The following PTH2R variants were observed in gnomAD, a reference collection of about 807,000 sequenced individuals.
PTH2R encodes parathyroid hormone 2 receptor.
A neutral mutation model predicts 60.3 loss-of-function variants in PTH2R; 59 were observed. The ratio of observed to expected loss-of-function variants is 0.98; its 90% CI spans 0.79 to 1.22. The LOEUF (loss-of-function observed/expected upper bound fraction) is 1.22. Ranked by LOEUF, PTH2R falls within the 50% of genes most tolerant of loss-of-function variation. The probability of loss-of-function intolerance (pLI) is 0.00; values close to 1 mark genes in which losing one functional copy is unlikely to be tolerated. For missense variants in PTH2R, 749 were observed against 682.6 expected, an observed-to-expected ratio of 1.10 and a Z score of -1.08; for synonymous variants, 256 against 243.8, an observed-to-expected ratio of 1.05 and a Z score of -0.47.
chr2:208,490,472 T>G (rs894414048), intron 11 of PTH2R, among the ~76,000 whole-genome samples, 167 bp from the exon 12 acceptor site: 6 of 152,176 alleles, frequency 3.9e-5, no homozygotes, highest in African/African-American at 1.4e-4. Context: ...TCAAACAAAT[T>G]TAATGTAAAC....
At chr2:208,378,821 G>A (rs1319517973) in intron 1 of PTH2R, among the ~76,000 whole-genome samples, 1 of 152,154 alleles carries the variant, frequency 6.6e-6, no homozygotes, top group Non-Finnish European at 1.5e-5. Context: ...TAGGCAAGAG[G>A]AGGACAGTGC....
chr2:208,389,042 A>G (rs1701058405), intron 1 of PTH2R, among the ~76,000 whole-genome samples: 2 of 152,208 alleles, frequency 1.3e-5, no homozygotes, highest in South Asian at 4.1e-4. Flanking sequence ...AGAGATTCTA[A>G]TTAGAAATAA....
At chr2:208,408,387 A>G (rs528098869) in intron 1 of PTH2R, among the ~76,000 whole-genome samples, 1 of 152,254 alleles carries the variant, frequency 6.6e-6, no homozygotes, top group African/African-American at 2.4e-5. Context: ...TATACTTCCT[A>G]CATTTTTATC....
intron 1 of PTH2R, among the ~76,000 whole-genome samples, chr2:208,373,371 T>C (rs1700738169): frequency 1.3e-5 from 2 of 152,122 alleles, no homozygotes; most frequent in Non-Finnish European, 2.9e-5. Context: ...GCTGTAGTAA[T>C]GTCCCTTAGT....
In PTH2R at chr2:208,450,858, C is replaced by T. The variant is rs775422729; in HGVS notation, c.914+49C>T. 4 of 1,571,662 alleles carry T rather than the reference C, an allele frequency of 2.5e-6. No individual in the cohort carries two copies. In the South Asian group the frequency reaches 4.4e-5, roughly 17 times the overall value. ...GAGAGAACCTCAGATGTTCTCAAGACTCAGGCTTCCTGCTCAGAATTCACA... is the reference window on the plus strand; with the variant it reads ...GAGAGAACCTCAGATGTTCTCAAGATTCAGGCTTCCTGCTCAGAATTCACA... On this transcript the variant is annotated intron_variant, in intron 8 of 12. Coordinates refer to ENST00000272847, the MANE Select transcript of PTH2R (RefSeq NM_005048.4).
Position 208,443,328 on chromosome 2 carries a change from C to T in PTH2R, c.510-20C>T. The T allele has an allele frequency of 6.7e-7, 1 of 1,484,398 alleles. No individual in the cohort carries two copies. Among genetic ancestry groups the T allele is most frequent in the Non-Finnish European group, 9.0e-7 (1 of 1,115,714 alleles). The allele number at this position is 1,484,398 out of a possible 1,614,324, so 92.0% of individuals were successfully genotyped here. A position where few individuals can be genotyped will look rare whatever the true frequency, so the allele number is the denominator to read the frequency against. On this transcript the variant is annotated intron_variant, in intron 5 of 12. Coordinates refer to ENST00000272847, the MANE Select transcript of PTH2R (RefSeq NM_005048.4). ...TTTTAATTTTATCCAAATTTAAATACTGAATATTTCTCTCCGTAGACGATT... is the reference window on the plus strand; with the variant it reads ...TTTTAATTTTATCCAAATTTAAATATTGAATATTTCTCTCCGTAGACGATT...
In PTH2R at chr2:208,406,824, C is replaced by T. The variant is rs1701420862; in HGVS notation, c.-220C>T. On this transcript the variant is annotated 5_prime_UTR_variant, in exon 1 of 13. Coordinates refer to ENST00000272847, the MANE Select transcript of PTH2R (RefSeq NM_005048.4). Reference sequence around the variant, plus strand: ...GGGCCAGTCTCTCCGGAAGACAAGACCAACCTCGCGCCGCGGCGCAGCAGC... The same window carrying T: ...GGGCCAGTCTCTCCGGAAGACAAGATCAACCTCGCGCCGCGGCGCAGCAGC... The T allele has an allele frequency of 2.6e-6, 1 of 386,212 alleles. No homozygotes were observed. Among genetic ancestry groups the T allele is most frequent in the Non-Finnish European group, 4.6e-6 (1 of 218,286 alleles). 23.9% of individuals were successfully genotyped at this position (386,212 alleles called of 1,614,324 possible).
At chr2:208,449,784 AT>A (rs1702366034) in intron 7 of PTH2R, among the ~76,000 whole-genome samples, 1 of 152,116 alleles carries the variant, frequency 6.6e-6, no homozygotes, top group Non-Finnish European at 1.5e-5. Context: ...AAAAATTACA[AT>A]TTTTTTAAAG....
chr2:208,373,798 C>T lies in PTH2R; in HGVS notation c.-259+13561C>T, dbSNP rs187245536. Among the ~76,000 whole-genome samples, 3 of 152,208 alleles carry T rather than the reference C, an allele frequency of 2.0e-5. No homozygotes were observed. In the East Asian group the frequency reaches 5.8e-4, roughly 29 times the overall value. Reference sequence around the variant, plus strand: ...TTATCTGAGCCCTAAATGTCTTCTACGTTATTCTTTGACAATACTTTGTTA... The same window carrying T: ...TTATCTGAGCCCTAAATGTCTTCTATGTTATTCTTTGACAATACTTTGTTA... On this transcript the variant is annotated intron_variant, in intron 1 of 12. Transcript: ENST00000617735.
At chr2:208,471,061 G>A (rs572067127) in intron 9 of PTH2R, among the ~76,000 whole-genome samples, 27 of 152,280 alleles carry the variant, frequency 1.8e-4, no homozygotes, top group African/African-American at 6.0e-4. Flanking sequence ...TTAGGTATCT[G>A]GCAGAAGAAA....
chr2:208,382,267 C>T (rs1234787102), intron 1 of PTH2R, among the ~76,000 whole-genome samples: 2 of 152,068 alleles, frequency 1.3e-5, no homozygotes, highest in Non-Finnish European at 2.9e-5. Context: ...ATTCTATGAG[C>T]ATTCACATAC....
intron 1 of PTH2R, among the ~76,000 whole-genome samples, chr2:208,377,798 C>T (rs1296117986): frequency 6.6e-6 from 1 of 151,374 alleles, no homozygotes; most frequent in East Asian, 1.9e-4. Context: ...GAGGCGCTTC[C>T]CGCATCTCAG....
At chr2:208,364,422 G>A (rs1700539776) in intron 1 of PTH2R, among the ~76,000 whole-genome samples, 1 of 152,046 alleles carries the variant, frequency 6.6e-6, no homozygotes, top group African/African-American at 2.4e-5. Context: ...TAAGAAACAG[G>A]TCCAACTGCA....
intron 5 of PTH2R, 97 bp from the exon 6 acceptor site, chr2:208,443,251 G>GGGGAGCAGGCTGGTTGGTGGT (rs1316174796): frequency 1.9e-6 from 2 of 1,051,354 alleles, no homozygotes; most frequent in African/African-American, 3.3e-5. Context: ...CCCTGCTGGA[G>GGGGAGCAGGCTGGTTGGTGGT]GGGAGCAGGC....
chr2:208,453,152 A>T lies in PTH2R; in HGVS notation c.914+2343A>T, dbSNP rs562572879. On this transcript the variant is annotated intron_variant, in intron 8 of 12. Transcript: ENST00000272847. ...TGTCTTTTTACCTCAGAGAGGTAAA[A>T]CTTCTAGTTCTTTCTGTTCTCTAAA... 7.6e-4 allele frequency among the ~76,000 whole-genome samples: 115 copies of T among 152,232 alleles called. 1 individual carries two copies. Among genetic ancestry groups the T allele is most frequent in the Non-Finnish European group, 1.4e-3 (96 of 68,010 alleles).
At chr2:208,368,451 T>A (rs1319933359) in intron 1 of PTH2R, among the ~76,000 whole-genome samples, 1 of 152,206 alleles carries the variant, frequency 6.6e-6, no homozygotes, top group Non-Finnish European at 1.5e-5. Flanking sequence ...CTGTTCTCCA[T>A]GCTGTTCCTC....
intron 9 of PTH2R, among the ~76,000 whole-genome samples, chr2:208,463,839 C>T (rs1227894559): frequency 6.6e-6 from 1 of 152,216 alleles, no homozygotes; most frequent in Non-Finnish European, 1.5e-5. Flanking sequence ...CAGGGATGAT[C>T]TGGCTTCCCA....
At chr2:208,365,771 C>T (rs1385996601) in intron 1 of PTH2R, among the ~76,000 whole-genome samples, 1 of 139,616 alleles carries the variant, frequency 7.2e-6, no homozygotes, top group Non-Finnish European at 1.5e-5. Flanking sequence ...GACAGGGTCT[C>T]ACTGTCACCC....
chr2:208,425,663 A>G (rs574953810), intron 1 of PTH2R, among the ~76,000 whole-genome samples: 13 of 152,314 alleles, frequency 8.5e-5, no homozygotes, highest in Non-Finnish European at 1.5e-4. Flanking sequence ...TTCCCTGGGC[A>G]GAGCCAGAAA....
Sources: gnomAD v4.1 joint callset for allele counts (sites outside exome capture counted in the v4.1 genomes callset) on GRCh38, gnomAD v4.1.1 for gene constraint, MANE v1.5 for transcripts, NCBI Gene and HGNC (gene_info 2026-07-23, HGNC 2026-07-21) for gene names.